LINGO2: variants seen among roughly 807,000 people sequenced by gnomAD.
LINGO2 encodes leucine-rich repeat and immunoglobulin-like domain-containing nogo receptor-interacting protein 2.
LINGO2 carries 14 observed loss-of-function variants against 30.6 expected under a neutral mutation model. The ratio of observed to expected loss-of-function variants is 0.46; its 90% confidence interval spans 0.30 to 0.72. The LOEUF (loss-of-function observed/expected upper bound fraction) is 0.72, where lower values mean the gene tolerates loss of function less well. Ranked by LOEUF, LINGO2 falls within the 30% of genes least tolerant of loss-of-function variation. The probability of loss-of-function intolerance (pLI) is 0.07; values close to 1 mark genes in which losing one functional copy is unlikely to be tolerated. For missense variants in LINGO2, 729 were observed against 751.7 expected (o/e 0.97, Z 0.35); for synonymous variants, 317 against 288.5 (o/e 1.10, Z -1.00).
intron 2 of LINGO2, among the ~76,000 whole-genome samples, chr9:28,391,352 G>A (rs1265152521): frequency 6.6e-6 from 1 of 152,106 alleles, no homozygotes; most frequent in Non-Finnish European, 1.5e-5. Flanking sequence ...GCCCCATCCT[G>A]AGATTATCTA....
At chr9:28,879,886 A>T in the LINGO2 span, among the ~76,000 whole-genome samples, 3 of 152,194 alleles carry the variant, frequency 2.0e-5, no homozygotes. Context: ...TAGACAGGGA[A>T]TCAGAAAGCC....
chr9:28,322,796 T>C (rs762216690), intron 3 of LINGO2, among the ~76,000 whole-genome samples: 8 of 152,216 alleles, frequency 5.3e-5, no homozygotes, highest in Non-Finnish European at 1.0e-4. Context: ...AATTGCTAAT[T>C]TGATATATTC....
chr9:27,946,266 A>G (rs1184411009), downstream of LINGO2, among the ~76,000 whole-genome samples: 2 of 152,140 alleles, frequency 1.3e-5, no homozygotes, highest in Non-Finnish European at 2.9e-5. Context: ...TACAGAATGC[A>G]TTTCCCTGAT....
intron 3 of LINGO2, among the ~76,000 whole-genome samples, chr9:28,318,089 T>C (rs1266907160): frequency 6.6e-6 from 1 of 152,190 alleles, no homozygotes; most frequent in African/African-American, 2.4e-5. Flanking sequence ...AGGATTCCCA[T>C]GTTCTTTCAA....
intron 4 of LINGO2, among the ~76,000 whole-genome samples, chr9:28,230,884 A>G (rs1821331322): frequency 1.3e-5 from 2 of 151,888 alleles, no homozygotes; most frequent in South Asian, 2.1e-4. Flanking sequence ...GTTTTACCCA[A>G]TATATTTTCT....
chr9:28,231,854 C>A (rs981045967), intron 4 of LINGO2, among the ~76,000 whole-genome samples: 1 of 151,952 alleles, frequency 6.6e-6, no homozygotes, highest in Non-Finnish European at 1.5e-5. Flanking sequence ...TAAAAAATAT[C>A]CTGATTGCTA....
the LINGO2 span, among the ~76,000 whole-genome samples, chr9:28,748,259 T>A: frequency 6.6e-6 from 1 of 152,182 alleles, no homozygotes; most frequent in South Asian, 2.1e-4. Flanking sequence ...TCAACTTTCC[T>A]TGAAGATAGA....
chr9:29,020,459 G>T, the LINGO2 span, among the ~76,000 whole-genome samples: 1 of 152,144 alleles, frequency 6.6e-6, no homozygotes, highest in Non-Finnish European at 1.5e-5. Flanking sequence ...AAGGATTACT[G>T]CTTTGTAGTT....
chr9:29,072,804 T>G, the LINGO2 span, among the ~76,000 whole-genome samples: 3 of 151,948 alleles, frequency 2.0e-5, no homozygotes, highest in Non-Finnish European at 4.4e-5. Flanking sequence ...CCATAGAGCT[T>G]TTGAAATGTC....
intron 5 of LINGO2, among the ~76,000 whole-genome samples, chr9:27,971,012 T>G (rs941598354): frequency 1.3e-5 from 2 of 151,678 alleles, no homozygotes; most frequent in Non-Finnish European, 2.9e-5. Flanking sequence ...GTTTTGATAC[T>G]TAAATGAGTT....
At chr9:28,082,620 A>C (rs757417466) in intron 4 of LINGO2, among the ~76,000 whole-genome samples, 12 of 152,164 alleles carry the variant, frequency 7.9e-5, no homozygotes, top group Non-Finnish European at 1.6e-4. Context: ...TGGGCTTTCA[A>C]AGCCATAATT....
intron 4 of LINGO2, among the ~76,000 whole-genome samples, chr9:28,199,036 T>A (rs1340884793): frequency 6.6e-6 from 1 of 152,192 alleles, no homozygotes; most frequent in African/African-American, 2.4e-5. Flanking sequence ...TAATTTCTTT[T>A]CCATGTACAT....
the LINGO2 span, among the ~76,000 whole-genome samples, chr9:29,205,790 T>C: frequency 6.6e-6 from 1 of 152,182 alleles, no homozygotes; most frequent in Admixed American, 6.5e-5. Context: ...ATTAAATGAT[T>C]TTTAGTGAAT....
intron 1 of LINGO2, among the ~76,000 whole-genome samples, chr9:28,655,051 T>G (rs977801201): frequency 6.6e-6 from 1 of 152,102 alleles, no homozygotes; most frequent in Non-Finnish European, 1.5e-5. Flanking sequence ...TTAAGATAAC[T>G]TGGTGAGTGA....
At chr9:28,507,246 C>T (rs1194006279) in intron 1 of LINGO2, among the ~76,000 whole-genome samples, 6 of 122,684 alleles carry the variant, frequency 4.9e-5, no homozygotes, top group South Asian at 2.4e-4. Context: ...TGCGTGCGTG[C>T]GCACATGTGT....
At chr9:27,953,953 G>A (rs1490941661) in intron 5 of LINGO2, among the ~76,000 whole-genome samples, 1 of 152,154 alleles carries the variant, frequency 6.6e-6, no homozygotes, top group East Asian at 1.9e-4. Context: ...CTAACTTTTT[G>A]AGGTGGTGGG....
chr9:27,948,298 C>A (rs1823447153), exon 6 of LINGO2: 1 of 152,464 alleles, frequency 6.6e-6, no homozygotes, highest in Admixed American at 6.5e-5. Context: ...ACTAAAAGCA[C>A]AACCTCTCAT....
At chr9:28,554,426 A>T (rs1822522772) in intron 1 of LINGO2, among the ~76,000 whole-genome samples, 1 of 140,606 alleles carries the variant, frequency 7.1e-6, no homozygotes, top group Non-Finnish European at 1.5e-5. Context: ...TGGTAGAGGG[A>T]TCAATTCAAC....
At chr9:28,730,261 C>T in the LINGO2 span, among the ~76,000 whole-genome samples, 10 of 152,124 alleles carry the variant, frequency 6.6e-5, no homozygotes, top group Non-Finnish European at 1.0e-4. Flanking sequence ...GGATAAGAGG[C>T]GTGTACAGAC....
Sources: allele counts gnomAD v4.1 joint callset (sites outside exome capture counted in the v4.1 genomes callset), GRCh38; gene constraint gnomAD v4.1.1; transcripts MANE v1.5; gene names NCBI Gene and HGNC (gene_info 2026-07-23, HGNC 2026-07-21).